The following RANBP2 variants were observed in gnomAD, a reference collection of about 807,000 sequenced individuals.
The protein encoded by RANBP2 is E3 SUMO-protein ligase RanBP2.
In RANBP2, 57 loss-of-function variants were observed where a neutral mutation model predicts 303.6. The observed-to-expected ratio is 0.19, with a 90% CI of 0.15 to 0.23. RANBP2 has a LOEUF of 0.23. Ranked by LOEUF, RANBP2 falls within the 10% of genes least tolerant of loss-of-function variation. The probability of loss-of-function intolerance (pLI) is 1.00; values close to 1 mark genes in which losing one functional copy is unlikely to be tolerated. For synonymous variants in RANBP2, 1,167 were observed against 1,301.5 expected (o/e 0.90, Z 2.23); for missense variants, 3,138 against 3,780.8 (o/e 0.83, Z 4.46).
At chr2:109,371,670 C>T in the RANBP2 span, 1 of 1,613,786 alleles carries the variant, frequency 6.2e-7, no homozygotes. Flanking sequence ...CTTCCCGCTC[C>T]TGTACGTGGA....
chr2:109,109,584 T>C, the RANBP2 span, among the ~76,000 whole-genome samples: 2 of 152,252 alleles, frequency 1.3e-5, no homozygotes, highest in African/African-American at 2.4e-5. Context: ...ATTAAATTGC[T>C]TCCTTCAAAT....
chr2:108,947,387 G>T, the RANBP2 span, among the ~76,000 whole-genome samples: 1 of 152,188 alleles, frequency 6.6e-6, no homozygotes, highest in African/African-American at 2.4e-5. Context: ...TCTGGAAAAT[G>T]GTGGTGCTCG....
the RANBP2 span, among the ~76,000 whole-genome samples, chr2:109,391,495 C>T: frequency 6.6e-6 from 1 of 152,236 alleles, no homozygotes; most frequent in East Asian, 1.9e-4. Context: ...CACACTCCTG[C>T]AGTGCTCTAG....
At chr2:109,486,610 T>A in the RANBP2 span, among the ~76,000 whole-genome samples, 38 of 152,160 alleles carry the variant, frequency 2.5e-4, no homozygotes, top group Non-Finnish European at 5.0e-4. Flanking sequence ...GCGAGGCAGA[T>A]GGTACCCTTC....
intron 7 of RANBP2, among the ~76,000 whole-genome samples, chr2:108,746,074 T>C (rs189043240): frequency 1.3e-5 from 2 of 152,026 alleles, no homozygotes; most frequent in Non-Finnish European, 2.9e-5. Flanking sequence ...GCCTGGCTAA[T>C]TAAAAAAAAC....
At chr2:108,871,494 G>T in the RANBP2 span, among the ~76,000 whole-genome samples, 2 of 151,968 alleles carry the variant, frequency 1.3e-5, no homozygotes, top group Admixed American at 6.6e-5. Flanking sequence ...GGAGGCTTCA[G>T]TGAGCCGAGA....
chr2:109,135,750 C>G, the RANBP2 span, among the ~76,000 whole-genome samples: 1 of 152,194 alleles, frequency 6.6e-6, no homozygotes, highest in Non-Finnish European at 1.5e-5. Context: ...ACTGGATCGT[C>G]AAGCATTACT....
chr2:109,419,719 G>C, the RANBP2 span: 1 of 1,378,948 alleles, frequency 7.3e-7, no homozygotes, highest in Admixed American at 2.1e-5. Context: ...GTCCACGTGT[G>C]GTTTCCGCAG....
chr2:108,997,794 G>A, the RANBP2 span, among the ~76,000 whole-genome samples: 1 of 152,134 alleles, frequency 6.6e-6, no homozygotes, highest in Non-Finnish European at 1.5e-5. Context: ...GGGAGGCTGA[G>A]GCAGGAGAAT....
At chr2:108,993,831 A>G in the RANBP2 span, among the ~76,000 whole-genome samples, 1 of 152,174 alleles carries the variant, frequency 6.6e-6, no homozygotes, top group African/African-American at 2.4e-5. Flanking sequence ...AAAATATTGT[A>G]GGCTGGGAGG....
the RANBP2 span, among the ~76,000 whole-genome samples, chr2:109,051,849 C>T: frequency 3.3e-5 from 5 of 151,828 alleles, no homozygotes; most frequent in East Asian, 3.9e-4. Flanking sequence ...CCCAGGTTCA[C>T]GCCATTCTCC....
chr2:109,613,967 A>C, the RANBP2 span: 1 of 1,188,686 alleles, frequency 8.4e-7, no homozygotes, highest in Non-Finnish European at 1.0e-6. Context: ...CGGGGAAGGG[A>C]CAGGGGCGGG....
At chr2:109,417,153 T>A in the RANBP2 span, among the ~76,000 whole-genome samples, 1 of 152,160 alleles carries the variant, frequency 6.6e-6, no homozygotes, top group South Asian at 2.1e-4. Flanking sequence ...AGGAGACCTG[T>A]GGACAGTGGA....
chr2:108,732,833 AT>A (rs757061868), intron 4 of RANBP2, among the ~76,000 whole-genome samples: 3 of 151,408 alleles, frequency 2.0e-5, no homozygotes, highest in Non-Finnish European at 4.4e-5. Flanking sequence ...TTCTTTTTTC[AT>A]TTTTTTTGAG....
the RANBP2 span, among the ~76,000 whole-genome samples, chr2:109,453,207 G>A: frequency 2.1e-4 from 32 of 152,144 alleles, no homozygotes; most frequent in Non-Finnish European, 4.3e-4. Flanking sequence ...GCCTATGCAG[G>A]AACCTCTCCA....
the RANBP2 span, among the ~76,000 whole-genome samples, chr2:109,411,552 G>A: frequency 3.3e-5 from 5 of 152,196 alleles, no homozygotes; most frequent in Non-Finnish European, 7.3e-5. Context: ...TCAGAGGATG[G>A]ACTGACCCCA....
At chr2:108,931,898 T>C in the RANBP2 span, among the ~76,000 whole-genome samples, 2 of 152,144 alleles carry the variant, frequency 1.3e-5, no homozygotes, top group Non-Finnish European at 2.9e-5. Context: ...CACTGTCCTC[T>C]TGCCACAACA....
chr2:109,037,972 G>A, the RANBP2 span, among the ~76,000 whole-genome samples: 2 of 152,180 alleles, frequency 1.3e-5, no homozygotes, highest in Admixed American at 6.5e-5. Flanking sequence ...ACATGGAAAG[G>A]CACAAGTCCT....
the RANBP2 span, among the ~76,000 whole-genome samples, chr2:109,031,035 G>GT: frequency 2.0e-5 from 3 of 152,162 alleles, no homozygotes; most frequent in African/African-American, 7.2e-5. Context: ...CTGACTCATG[G>GT]TAAGACACGG....
Sources: gnomAD v4.1 joint callset for allele counts (sites outside exome capture counted in the v4.1 genomes callset) on GRCh38, gnomAD v4.1.1 for gene constraint, MANE v1.5 for transcripts, NCBI Gene and HGNC (gene_info 2026-07-23, HGNC 2026-07-21) for gene names.